OR6C1: variants seen among roughly 807,000 people sequenced by gnomAD.
The protein encoded by OR6C1 is olfactory receptor family 6 subfamily C member 1.
For synonymous variants in OR6C1, 157 were observed against 133.3 expected, an observed-to-expected ratio of 1.18 and a Z score of -1.22; for missense variants, 386 against 366.1, an observed-to-expected ratio of 1.05 and a Z score of -0.44.
Position 55,321,264 on chromosome 12 carries a change from C to A in OR6C1, c.665C>A (p.Thr222Lys), listed in dbSNP as rs7132600. The change falls in exon 2 of 2, where the codon ACA (threonine) becomes AAA (lysine). Residue 222 changes from threonine (T) to lysine (K), a missense_variant. Thr to Lys is a moderately conservative substitution (Grantham distance 78). Transcript: ENST00000642104. The stretch of plus-strand genomic sequence containing the variant: ...CTGTCCTACATATACATTATCAGAA[C>A]AATTTTGAGAATTCCTTCTACTAGT... ...IFLSYIYIIR[T>K]ILRIPSTSQR... The A allele has an allele frequency of 4.3e-6, 7 of 1,613,326 alleles. No individual in the cohort carries two copies. Among genetic ancestry groups the A allele is most frequent in the Admixed American group, 1.7e-5 (1 of 59,952 alleles).
intron 1 of OR6C1, among the ~76,000 whole-genome samples, chr12:55,318,497 C>T (rs1417652233): frequency 2.0e-5 from 3 of 151,550 alleles, no homozygotes; most frequent in African/African-American, 4.8e-5. Flanking sequence ...GACACCATCC[C>T]ATTTCCAGAG....
In OR6C1 at chr12:55,321,063, T is replaced by A; in HGVS notation, c.464T>A (p.Phe155Tyr). 1 of 1,613,458 alleles carries A rather than the reference T, an allele frequency of 6.2e-7. No individual in the cohort carries two copies. Among genetic ancestry groups the A allele is most frequent in the South Asian group, 1.1e-5 (1 of 91,062 alleles). The change falls in exon 2 of 2, where the codon TTC becomes TAC. Residue 155 changes from phenylalanine (F) to tyrosine (Y), a missense_variant. Transcript: ENST00000642104. ...TSWLVSFLII[F>Y]PALMLLLKLH... Reference sequence around the variant, plus strand: ...TGGCTGGTTTCATTCTTAATCATATTCCCAGCACTCATGTTGCTTTTAAAG... The same window carrying A: ...TGGCTGGTTTCATTCTTAATCATATACCCAGCACTCATGTTGCTTTTAAAG...
Position 55,320,791 on chromosome 12 carries a change from C to A in OR6C1, c.192C>A (p.Phe64Leu), listed in dbSNP as rs1868523141. The change falls in exon 2 of 2, where the codon TTC (phenylalanine) becomes TTA (leucine). Residue 64 changes from phenylalanine (F) to leucine (L), a missense_variant. Phe to Leu is a conservative substitution (Grantham distance 22). Coordinates refer to ENST00000642104, the MANE Select transcript of OR6C1 (RefSeq NM_001005182.2). Reference sequence around the variant, plus strand: ...CCATGTATTTCTTCCTCAGAAATTTCTCCATATTAGAAATTTCGTTCACAA... The same window carrying A: ...CCATGTATTTCTTCCTCAGAAATTTATCCATATTAGAAATTTCGTTCACAA... ...QTPMYFFLRN[F>L]SILEISFTTV... The A allele has an allele frequency of 6.2e-7, 1 of 1,614,000 alleles. No homozygotes were observed. The highest frequency in any genetic ancestry group is 8.5e-7 in the Non-Finnish European group (1 of 1,179,972).
rs953602092 is a variant in OR6C1 at position 55,321,501 on chromosome 12, A to G, written c.902A>G (p.Asn301Ser). The change falls in exon 2 of 2, where the codon AAC becomes AGC. Residue 301 changes from asparagine (N) to serine (S), a missense_variant. Physicochemically the swap from Asn to Ser is conservative, Grantham distance 46 (BLOSUM62 1). Transcript: ENST00000642104. ...CAGCAAGTCAAGCAAGCTTTCATTA[A>G]CATGGCAAGGAAGACTGTATTTTTC... is the stretch of plus-strand genomic sequence containing the variant. ...RNQQVKQAFINMARKTVFFTS... is the reference protein window; with the variant it reads ...RNQQVKQAFISMARKTVFFTS... The G allele has an allele frequency of 6.2e-7, 1 of 1,613,350 alleles. No individual in the cohort carries two copies.
chr12:55,320,315 G>A (rs4432101), intron 1 of OR6C1, among the ~76,000 whole-genome samples: 112,837 of 152,046 alleles, frequency 0.74, 43,000 homozygotes, highest in African/African-American at 0.92. Flanking sequence ...GTGGAGTCAG[G>A]AAAGTCTGGT....
intron 1 of OR6C1, among the ~76,000 whole-genome samples, chr12:55,317,641 C>A (rs1356007161): frequency 6.6e-6 from 1 of 151,730 alleles, no homozygotes; most frequent in Non-Finnish European, 1.5e-5. Flanking sequence ...ATGAGTGTTT[C>A]CTTTAAGCCT....
chr12:55,321,888 TA>T lies in OR6C1; in HGVS notation c.*351del, dbSNP rs1565662559. 1 of 159,472 alleles carries T rather than the reference TA, an allele frequency of 6.3e-6. No individual in the cohort carries two copies. Among genetic ancestry groups the T allele is most frequent in the Non-Finnish European group, 1.4e-5 (1 of 73,036 alleles). 9.9% of individuals were successfully genotyped at this position (159,472 alleles called of 1,614,324 possible). On this transcript the variant is annotated 3_prime_UTR_variant, in exon 2 of 2. Transcript: ENST00000642104. ...TTCTACTTGTTATACACAGAACATA[TA>T]GTTTTATAATTTTAATTTATTCTTA... is the stretch of plus-strand genomic sequence containing the variant.
intron 1 of OR6C1, among the ~76,000 whole-genome samples, chr12:55,315,930 A>T (rs773083511): frequency 6.6e-6 from 1 of 151,760 alleles, no homozygotes; most frequent in Admixed American, 6.6e-5. Flanking sequence ...TGAGCAATAT[A>T]GTTTTTGAAG....
intron 1 of OR6C1, among the ~76,000 whole-genome samples, chr12:55,318,221 AGTGTGTGT>A (rs71070867): frequency 1.3e-3 from 169 of 128,650 alleles, no homozygotes; most frequent in African/African-American, 3.9e-3. Flanking sequence ...AGATAAGTGG[AGTGTGTGT>A]GTGTGTGTGT....
At chr12:55,319,360 A>G (rs1183956123) in intron 1 of OR6C1, among the ~76,000 whole-genome samples, 1 of 152,224 alleles carries the variant, frequency 6.6e-6, no homozygotes, top group Non-Finnish European at 1.5e-5. Context: ...AGGTTAAATA[A>G]AATACAGAGA....
intron 1 of OR6C1, among the ~76,000 whole-genome samples, chr12:55,316,265 T>G (rs1014870129): frequency 2.6e-5 from 4 of 151,736 alleles, no homozygotes; most frequent in African/African-American, 9.7e-5. Flanking sequence ...ACTGCCAATA[T>G]TTAACCTAAT....
Position 55,321,129 on chromosome 12 carries a change from G to A in OR6C1, c.530G>A (p.Cys177Tyr), listed in dbSNP as rs1868537818. ...CRSNIIDHFT[C>Y]DYFPLLQLAC... is the part of the protein sequence containing the mutation. ...TCTAATATTATTGACCATTTTACCTGTGATTATTTTCCACTGCTGCAACTT... is the reference window on the plus strand; with the variant it reads ...TCTAATATTATTGACCATTTTACCTATGATTATTTTCCACTGCTGCAACTT... The change falls in exon 2 of 2, where the codon TGT becomes TAT. Residue 177 changes from cysteine to tyrosine, a missense_variant. Coordinates refer to ENST00000642104, the MANE Select transcript of OR6C1 (RefSeq NM_001005182.2). 1 of 1,613,894 alleles carries A rather than the reference G, an allele frequency of 6.2e-7. No individual in the cohort carries two copies.
chr12:55,321,392 AGAGTGTCCTT>A lies in OR6C1; in HGVS notation c.797_806del (p.Val266AlafsTer7), dbSNP rs768385041. 1.2e-6 allele frequency: 2 copies of A among 1,613,934 alleles called. No individual in the cohort carries two copies. Among genetic ancestry groups the A allele is most frequent in the Non-Finnish European group, 1.7e-6 (2 of 1,179,864 alleles). On this transcript the variant is annotated frameshift_variant, in exon 2 of 2. Transcript: ENST00000642104. LOFTEE classifies it low-confidence loss of function (END_TRUNC). ...GTACATTAAACCCTCAGCAAAAGAT[AGAGTGTCCTT>A]GAGCAAGGGAGTGGCAATACTAAAC...
In OR6C1 at chr12:55,321,610, A is replaced by G. The variant is rs1868564334; in HGVS notation, c.*72A>G. The G allele has an allele frequency of 4.9e-6, 5 of 1,013,432 alleles. No individual in the cohort carries two copies. Among genetic ancestry groups the G allele is most frequent in the Non-Finnish European group, 5.8e-6 (4 of 691,690 alleles). 62.8% of individuals were successfully genotyped at this position (1,013,432 alleles called of 1,614,324 possible). A position where few individuals can be genotyped will look rare whatever the true frequency, so the allele number is the denominator to read the frequency against. On this transcript the variant is annotated 3_prime_UTR_variant, in exon 2 of 2. Coordinates refer to ENST00000642104, the MANE Select transcript of OR6C1 (RefSeq NM_001005182.2). ...ATTTTCAGTAGCTTCTTCAATCAAA[A>G]TGGCCTCCTTGCAGTCTTCTGCATC... is the stretch of plus-strand genomic sequence containing the variant.
chr12:55,317,126 C>T (rs1024518908), intron 1 of OR6C1, among the ~76,000 whole-genome samples: 4 of 151,756 alleles, frequency 2.6e-5, no homozygotes, highest in Admixed American at 6.6e-5. Flanking sequence ...TTTTTAAAAA[C>T]TTGAGTCTCT....
chr12:55,318,014 T>TAC (rs1037216068), intron 1 of OR6C1, among the ~76,000 whole-genome samples: 9 of 144,924 alleles, frequency 6.2e-5, no homozygotes, highest in Non-Finnish European at 9.3e-5. Context: ...CACACATAAA[T>TAC]ACACACACAT....
chr12:55,321,310 C>T lies in OR6C1; in HGVS notation c.711C>T (p.Ser237=). The change falls in exon 2 of 2, where the codon TCC becomes TCT. Residue 237 remains serine (S), a synonymous_variant. Transcript: ENST00000642104. ...CTAGTCAGAGGACAAAGGCCTTTTC[C>T]ACATGTTCTTCCCACATGGTTGTTG... The part of the protein sequence containing the change: ...PSTSQRTKAF[S]TCSSHMVVVS... 6.2e-7 allele frequency: 1 copy of T among 1,613,182 alleles called. No homozygotes were observed. The highest frequency in any genetic ancestry group is 8.5e-7 in the Non-Finnish European group (1 of 1,179,262).
chr12:55,320,537 C>A, intron 1 of OR6C1, 30 bp from the exon 2 acceptor site: 1 of 972,488 alleles, frequency 1.0e-6, no homozygotes, highest in Non-Finnish European at 1.6e-6. Flanking sequence ...GATAACTCTT[C>A]AAGTTTGTTC....
chr12:55,319,905 C>T (rs922431923), intron 1 of OR6C1, among the ~76,000 whole-genome samples: 1 of 152,128 alleles, frequency 6.6e-6, no homozygotes, highest in Non-Finnish European at 1.5e-5. Flanking sequence ...CTTTGGGAGG[C>T]CAAGGGGCGT....
Sources: allele counts gnomAD v4.1 joint callset (sites outside exome capture counted in the v4.1 genomes callset), GRCh38; gene constraint gnomAD v4.1.1; transcripts MANE v1.5; gene names NCBI Gene and HGNC (gene_info 2026-07-23, HGNC 2026-07-21).